The following DACH1 variants were observed in gnomAD, a reference collection of about 807,000 sequenced individuals.
DACH1 encodes dachshund family transcription factor 1.
A neutral mutation model predicts 54.2 loss-of-function variants in DACH1; 12 were observed. The observed-to-expected ratio is 0.22, with a 90% CI of 0.14 to 0.36. The LOEUF is 0.36. DACH1 is among the 10% of genes least tolerant of loss of function. The probability of loss-of-function intolerance (pLI) is 1.00; values close to 1 mark genes in which losing one functional copy is unlikely to be tolerated. For missense variants in DACH1, 805 were observed against 929.8 expected, an observed-to-expected ratio of 0.87 and a Z score of 1.75; for synonymous variants, 386 against 366.2, an observed-to-expected ratio of 1.05 and a Z score of -0.62.
At chr13:71,760,375 T>G (rs1370701641) in intron 1 of DACH1, among the ~76,000 whole-genome samples, 1 of 152,194 alleles carries the variant, frequency 6.6e-6, no homozygotes, top group Non-Finnish European at 1.5e-5. Flanking sequence ...AAGCAACATG[T>G]AGAAAGAAAG....
chr13:71,717,315 A>C (rs1427757027), intron 1 of DACH1, among the ~76,000 whole-genome samples: 1 of 152,174 alleles, frequency 6.6e-6, no homozygotes, highest in East Asian at 1.9e-4. Flanking sequence ...CTTTCACTTT[A>C]TCTCACTGTA....
chr13:71,606,181 C>T (rs994970407), intron 3 of DACH1, among the ~76,000 whole-genome samples: 10 of 151,998 alleles, frequency 6.6e-5, no homozygotes, highest in Non-Finnish European at 5.9e-5. Flanking sequence ...TGAATGTATA[C>T]ACACATCTAC....
intron 1 of DACH1, among the ~76,000 whole-genome samples, chr13:71,861,591 A>C (rs1436169431): frequency 1.3e-5 from 2 of 151,988 alleles, no homozygotes; most frequent in African/African-American, 4.8e-5. Flanking sequence ...AACCAAGCAA[A>C]CTTTCATATT....
At position 71,728,840 on chromosome 13, in the gene DACH1, T is replaced by C. The variant is rs974041962; in HGVS notation, c.849-46930A>G. Among the ~76,000 whole-genome samples, 168 of 152,000 alleles carry C rather than the reference T, an allele frequency of 1.1e-3. 1 individual carries two copies. Among genetic ancestry groups the C allele is most frequent in the Non-Finnish European group, 1.5e-4 (10 of 67,880 alleles). ...CAAGTAATGTGTAATAGAAAAAGAATTGACCTATTCTATAATAATAATGCT... is the reference window on the plus strand; with the variant it reads ...CAAGTAATGTGTAATAGAAAAAGAACTGACCTATTCTATAATAATAATGCT... On this transcript the variant is annotated intron_variant, in intron 1 of 10. Transcript: ENST00000613252.
In DACH1 at chr13:71,448,815, GA is replaced by G. The variant is rs559349181; in HGVS notation, c.2084-8124del. On this transcript the variant is annotated intron_variant, in intron 10 of 10. Transcript: ENST00000613252. ...AGTAAAAACTGAAAAAGTAGTAACA[GA>G]TTCTGTGGTTTTTTTTTTTTTTCAA... is the stretch of plus-strand genomic sequence containing the variant. Among the ~76,000 whole-genome samples the G allele has an allele frequency of 2.1e-3, 252 of 120,150 alleles. No individual in the cohort carries two copies. The South Asian group carries it at 0.021, about 10-fold the overall frequency. The allele number at this position is 120,150 out of a possible 152,430, so 78.8% of individuals were successfully genotyped here.
intron 1 of DACH1, among the ~76,000 whole-genome samples, chr13:71,848,711 G>C (rs1305439030): frequency 2.0e-5 from 3 of 151,802 alleles, no homozygotes; most frequent in Non-Finnish European, 1.5e-5. Context: ...TGTACAGATG[G>C]GGGGGTTCTC....
intron 4 of DACH1, among the ~76,000 whole-genome samples, chr13:71,568,391 C>T (rs1360475819): frequency 2.0e-5 from 3 of 151,842 alleles, no homozygotes; most frequent in Non-Finnish European, 4.4e-5. Context: ...CAATTCACTT[C>T]TAGAGTATGG....
intron 2 of DACH1, among the ~76,000 whole-genome samples, chr13:71,642,792 G>A (rs1361793369): frequency 6.6e-6 from 1 of 152,064 alleles, no homozygotes; most frequent in Non-Finnish European, 1.5e-5. Flanking sequence ...AGGCCGAGGC[G>A]AGCAGATCAC....
At chr13:71,727,686 C>T (rs1229086982) in intron 1 of DACH1, among the ~76,000 whole-genome samples, 1 of 152,012 alleles carries the variant, frequency 6.6e-6, no homozygotes, top group Non-Finnish European at 1.5e-5. Context: ...ATGTAGTTGG[C>T]ACAAAAGCCT....
intron 3 of DACH1, among the ~76,000 whole-genome samples, chr13:71,591,440 A>C (rs1370630173): frequency 1.3e-5 from 2 of 152,202 alleles, no homozygotes; most frequent in South Asian, 2.1e-4. Context: ...AAACTGTTAA[A>C]AAATCTTAAA....
intron 2 of DACH1, among the ~76,000 whole-genome samples, chr13:71,632,622 AT>A (rs886226340): frequency 1.3e-5 from 2 of 152,054 alleles, no homozygotes; most frequent in Non-Finnish European, 2.9e-5. Flanking sequence ...ATAAGGAAGT[AT>A]TTTTCCATGA....
intron 6 of DACH1, among the ~76,000 whole-genome samples, chr13:71,526,500 T>C (rs1380861160): frequency 1.3e-5 from 2 of 152,088 alleles, no homozygotes; most frequent in African/African-American, 4.8e-5. Flanking sequence ...TGGTATCTAT[T>C]TCTTAATCTG....
intron 1 of DACH1, among the ~76,000 whole-genome samples, chr13:71,758,946 C>G (rs1885285823): frequency 6.8e-6 from 1 of 147,542 alleles, no homozygotes; most frequent in African/African-American, 2.5e-5. Flanking sequence ...TTTTTTTTTC[C>G]TGTGGTCCTG....
At chr13:71,569,143 T>G (rs942007774) in intron 4 of DACH1, among the ~76,000 whole-genome samples, 31 of 152,146 alleles carry the variant, frequency 2.0e-4, no homozygotes, top group African/African-American at 7.5e-4. Context: ...GTGCATTTAA[T>G]TCTTTCAACC....
rs575931881 is a variant in DACH1 at position 71,567,793 on chromosome 13, CA to C, written c.1299+5046del. On this transcript the variant is annotated intron_variant, in intron 4 of 10. Coordinates refer to ENST00000613252, the MANE Select transcript of DACH1 (RefSeq NM_080759.6). ...TTTTTTCAGAACACATGCCTTAAAT[CA>C]CTAAAATATGCTGCGTTTCTTCCTT... Among the ~76,000 whole-genome samples the C allele has an allele frequency of 1.4e-4, 22 of 152,064 alleles. No individual in the cohort carries two copies. The East Asian group carries it at 3.9e-3, about 27-fold the overall frequency.
intron 10 of DACH1, among the ~76,000 whole-genome samples, chr13:71,460,996 T>C (rs932741327): frequency 6.6e-6 from 1 of 152,050 alleles, no homozygotes; most frequent in African/African-American, 2.4e-5. Context: ...ATTGAGACTT[T>C]GACACATTAA....
chr13:71,767,768 T>C (rs1277696078), intron 1 of DACH1, among the ~76,000 whole-genome samples: 2 of 152,062 alleles, frequency 1.3e-5, no homozygotes, highest in Non-Finnish European at 2.9e-5. Flanking sequence ...CTCTAATCCA[T>C]AAACCATTTT....
chr13:71,719,478 A>C (rs1883132486), intron 1 of DACH1, among the ~76,000 whole-genome samples: 1 of 152,198 alleles, frequency 6.6e-6, no homozygotes, highest in South Asian at 2.1e-4. Context: ...CATGCAATGC[A>C]AAGAATAGAC....
intron 10 of DACH1, among the ~76,000 whole-genome samples, chr13:71,445,620 C>T (rs1409918994): frequency 1.3e-5 from 2 of 152,170 alleles, no homozygotes; most frequent in Admixed American, 1.3e-4. Flanking sequence ...CAGACAGACC[C>T]TTGAAGACTG....
Sources: gnomAD v4.1 joint callset for allele counts (sites outside exome capture counted in the v4.1 genomes callset) on GRCh38, gnomAD v4.1.1 for gene constraint, MANE v1.5 for transcripts, NCBI Gene and HGNC (gene_info 2026-07-23, HGNC 2026-07-21) for gene names.